The following SEMA5A variants were observed in gnomAD, a reference collection of about 807,000 sequenced individuals.
SEMA5A encodes semaphorin 5A.
In SEMA5A, 55 loss-of-function variants were observed where a neutral mutation model predicts 135.5. That is an observed-to-expected ratio of 0.41 (90% CI 0.33 to 0.51). The LOEUF (loss-of-function observed/expected upper bound fraction) is 0.51, where lower values mean the gene tolerates loss of function less well. Ranked by LOEUF, SEMA5A falls within the 20% of genes least tolerant of loss-of-function variation. The pLI, the probability that SEMA5A is intolerant of heterozygous loss-of-function variation, is 0.37. For synonymous variants in SEMA5A, 580 were observed against 546.5 expected (o/e 1.06, Z -0.85); for missense variants, 1,290 against 1,419.9 (o/e 0.91, Z 1.47).
chr5:9,327,378 T>C (rs1470053407), intron 4 of SEMA5A, among the ~76,000 whole-genome samples: 1 of 152,186 alleles, frequency 6.6e-6, no homozygotes, highest in Non-Finnish European at 1.5e-5. Context: ...GTGTGTCTGG[T>C]ACCCATTCTC....
At chr5:9,222,521 A>G (rs1262173457) in intron 8 of SEMA5A, among the ~76,000 whole-genome samples, 2 of 152,192 alleles carry the variant, frequency 1.3e-5, no homozygotes, top group African/African-American at 4.8e-5. Flanking sequence ...TGAGAAATGC[A>G]GGCTATTCAT....
chr5:9,428,073 T>C (rs1207475279), intron 2 of SEMA5A, among the ~76,000 whole-genome samples: 1 of 62,014 alleles, frequency 1.6e-5, no homozygotes, highest in Admixed American at 1.4e-4. Flanking sequence ...TGTGTGTAAA[T>C]ATATATATGT....
At chr5:9,299,469 T>C (rs115690784) in intron 5 of SEMA5A, among the ~76,000 whole-genome samples, 2,246 of 152,232 alleles carry the variant, frequency 0.015, 14 homozygotes, top group Middle Eastern at 0.037. Context: ...TTCACACCTA[T>C]CTCCTGCAGG....
chr5:9,163,747 G>C (rs1043084975), intron 11 of SEMA5A, among the ~76,000 whole-genome samples: 3 of 151,730 alleles, frequency 2.0e-5, no homozygotes, highest in African/African-American at 7.3e-5. Context: ...TATGAGTGTT[G>C]TCCTTATAAA....
chr5:9,468,993 A>AT (rs1759372707), intron 1 of SEMA5A, among the ~76,000 whole-genome samples: 1 of 152,026 alleles, frequency 6.6e-6, no homozygotes, highest in Non-Finnish European at 1.5e-5. Context: ...GTAGCAATGG[A>AT]TTTTTTTGTT....
At chr5:9,289,043 G>A (rs138651721) in intron 5 of SEMA5A, among the ~76,000 whole-genome samples, 6 of 152,280 alleles carry the variant, frequency 3.9e-5, no homozygotes, top group East Asian at 1.9e-4. Flanking sequence ...TGTTGCTCAC[G>A]AAACATGTTG....
intron 5 of SEMA5A, chr5:9,265,482 T>G (rs1459994481): frequency 2.2e-6 from 1 of 456,246 alleles, no homozygotes; most frequent in African/African-American, 2.0e-5. Flanking sequence ...GATGTTCAAC[T>G]CTTCTGCCGC....
chr5:9,059,584 G>C (rs11745238), intron 18 of SEMA5A, among the ~76,000 whole-genome samples: 16,932 of 152,136 alleles, frequency 0.11, 1,163 homozygotes, highest in African/African-American at 0.18. Flanking sequence ...GAATCTCACT[G>C]TGTCACCCAG....
At chr5:9,082,717 A>C (rs928122258) in intron 16 of SEMA5A, among the ~76,000 whole-genome samples, 1 of 152,182 alleles carries the variant, frequency 6.6e-6, no homozygotes. Context: ...GCATCTTTAC[A>C]CGGAGCCCTG....
chr5:9,151,778 G>GA lies in SEMA5A; in HGVS notation c.1481+2709dup, dbSNP rs546024985. The stretch of plus-strand genomic sequence containing the variant: ...CACAGAAGACTATAGTCTATCAGTT[G>GA]AAAATGAAGTTACGATTTCTTACTG... On this transcript the variant is annotated intron_variant, in intron 12 of 22. Coordinates refer to ENST00000382496, the MANE Select transcript of SEMA5A (RefSeq NM_003966.3). 5.3e-3 allele frequency among the ~76,000 whole-genome samples: 807 copies of GA among 152,336 alleles called. 7 individuals carry two copies. The highest frequency in any genetic ancestry group is 0.018 in the African/African-American group (734 of 41,584).
At chr5:9,408,789 G>GTAGC (rs1484769604) in intron 2 of SEMA5A, among the ~76,000 whole-genome samples, 1 of 152,076 alleles carries the variant, frequency 6.6e-6, no homozygotes, top group East Asian at 1.9e-4. Flanking sequence ...ACTCCAATGT[G>GTAGC]TAGCTACTCT....
intron 5 of SEMA5A, among the ~76,000 whole-genome samples, chr5:9,252,888 T>G (rs1286774659): frequency 6.6e-6 from 1 of 152,200 alleles, no homozygotes; most frequent in Non-Finnish European, 1.5e-5. Flanking sequence ...TAGTGCACTC[T>G]TGGGCTCTCA....
chr5:9,539,848 G>C (rs6882340), intron 1 of SEMA5A, among the ~76,000 whole-genome samples: 13,373 of 152,166 alleles, frequency 0.088, 669 homozygotes, highest in African/African-American at 0.12. Flanking sequence ...AACAAGCACT[G>C]ACTTACTGTG....
intron 2 of SEMA5A, among the ~76,000 whole-genome samples, chr5:9,384,546 A>AGATT (rs1434787148): frequency 1.7e-5 from 2 of 119,962 alleles, no homozygotes; most frequent in African/African-American, 6.2e-5. Flanking sequence ...ATAGATAGAT[A>AGATT]GATAGATAGA....
chr5:9,490,036 C>G (rs1159505921), intron 1 of SEMA5A, among the ~76,000 whole-genome samples: 1 of 152,118 alleles, frequency 6.6e-6, no homozygotes, highest in African/African-American at 2.4e-5. Context: ...GAAAATGATT[C>G]TTATCTACTC....
Position 9,437,236 on chromosome 5 carries a change from G to A in SEMA5A, c.-78+520C>T, listed in dbSNP as rs563409285. Reference sequence around the variant, plus strand: ...CTAAGAAGCATCTAAGCCTTTTCACGTCTTCGGGTTCCTGAGTGATGTAGC... The same window carrying A: ...CTAAGAAGCATCTAAGCCTTTTCACATCTTCGGGTTCCTGAGTGATGTAGC... On this transcript the variant is annotated intron_variant, in intron 2 of 22. Transcript: ENST00000382496. Among the ~76,000 whole-genome samples, 185 of 152,304 alleles carry A rather than the reference G, an allele frequency of 1.2e-3. 1 individual carries two copies. The highest frequency in any genetic ancestry group is 2.1e-3 in the Non-Finnish European group (143 of 68,024).
intron 15 of SEMA5A, among the ~76,000 whole-genome samples, chr5:9,118,678 G>A (rs1740645399): frequency 6.6e-6 from 1 of 152,126 alleles, no homozygotes; most frequent in Non-Finnish European, 1.5e-5. Context: ...TCTCACAAGA[G>A]TAAGTCTCCT....
chr5:9,353,120 A>AGGAAAGGAAAG (rs1754230545), intron 3 of SEMA5A, among the ~76,000 whole-genome samples: 1 of 66,750 alleles, frequency 1.5e-5, no homozygotes, highest in Admixed American at 1.6e-4. Flanking sequence ...AGGAAAGGAA[A>AGGAAAGGAAAG]GGAAAGGAAA....
intron 2 of SEMA5A, among the ~76,000 whole-genome samples, chr5:9,396,218 G>A (rs140945402): frequency 8.1e-5 from 12 of 148,924 alleles, no homozygotes; most frequent in African/African-American, 2.5e-4. Flanking sequence ...TTAACAGAAC[G>A]GTCTCTTTTG....
Sources: allele counts gnomAD v4.1 joint callset (sites outside exome capture counted in the v4.1 genomes callset), GRCh38; gene constraint gnomAD v4.1.1; transcripts MANE v1.5; gene names NCBI Gene and HGNC (gene_info 2026-07-23, HGNC 2026-07-21).